The following CHD6 variants were observed in gnomAD, a reference collection of about 807,000 sequenced individuals.
CHD6 encodes the protein chromodomain helicase DNA binding protein 6.
In CHD6, 50 loss-of-function variants were observed where a neutral mutation model predicts 276.9. The ratio of observed to expected loss-of-function variants is 0.18; its 90% CI spans 0.14 to 0.23. The LOEUF (loss-of-function observed/expected upper bound fraction) is 0.23. Among genes scored for constraint, CHD6 ranks in the 10% least tolerant of loss-of-function variants. The pLI is 1.00. For missense variants in CHD6, 2,564 were observed against 3,365.8 expected (o/e 0.76, Z 5.89); for synonymous variants, 1,173 against 1,229.3 (o/e 0.95, Z 0.96).
chr20:41,485,603 G>A (rs1052794402), intron 14 of CHD6: 1 of 151,926 alleles, frequency 6.6e-6, no homozygotes, highest in African/African-American at 2.4e-5. Flanking sequence ...TTTGCAAACA[G>A]ATGCTTTCCA....
At chr20:41,448,432 G>A (rs1243322330) in intron 23 of CHD6, among the ~76,000 whole-genome samples, 2 of 152,172 alleles carry the variant, frequency 1.3e-5, no homozygotes, top group African/African-American at 4.8e-5. Flanking sequence ...TCTCTTCTGA[G>A]GTGCTCAATT....
intron 36 of CHD6, among the ~76,000 whole-genome samples, chr20:41,410,861 T>C (rs956538496): frequency 6.6e-6 from 1 of 152,024 alleles, no homozygotes; most frequent in East Asian, 1.9e-4. Flanking sequence ...GCTCAGAGAC[T>C]ACAACAAAGC....
At position 41,412,145 on chromosome 20, in the gene CHD6, C is replaced by T. The variant is rs2046859284; in HGVS notation, c.7250G>A (p.Arg2417Lys). The change falls in exon 36 of 37, where the codon AGG becomes AAG. Residue 2417 changes from arginine (R) to lysine (K), a missense_variant and splice_region_variant. Physicochemically the swap from Arg to Lys is conservative, Grantham distance 26 (BLOSUM62 2). Transcript: ENST00000373233. ...VPAIPKEPGL[R>K]GFLPENKFNH... ...CACTCACGTGGCCTTCTTCCTTACC[C>T]TCAGTCCTGGCTCCTTGGGGATGGC... 2 of 1,614,180 alleles carry T rather than the reference C, an allele frequency of 1.2e-6. No homozygotes were observed. The highest frequency in any genetic ancestry group is 4.5e-5 in the East Asian group (2 of 44,876).
chr20:41,445,078 G>A (rs1600872714), intron 25 of CHD6, among the ~76,000 whole-genome samples: 6 of 152,200 alleles, frequency 3.9e-5, no homozygotes. Flanking sequence ...TTCAAACACT[G>A]CCAGAGGTGA....
chr20:41,575,394 T>C (rs1449746599), intron 1 of CHD6, among the ~76,000 whole-genome samples: 1 of 152,226 alleles, frequency 6.6e-6, no homozygotes, highest in African/African-American at 2.4e-5. Flanking sequence ...AGTAAAAATA[T>C]ATATTTATAC....
At chr20:41,493,987 G>T in intron 8 of CHD6, 43 bp from the exon 9 acceptor site, 1 of 1,463,470 alleles carries the variant, frequency 6.8e-7, no homozygotes, top group Non-Finnish European at 9.6e-7. Flanking sequence ...ATGTCCCCTT[G>T]CCTCAAATCC....
At chr20:41,505,676 G>A (rs1050973385) in intron 5 of CHD6, among the ~76,000 whole-genome samples, 22 of 151,888 alleles carry the variant, frequency 1.4e-4, no homozygotes, top group African/African-American at 4.1e-4. Context: ...TCTTATTACC[G>A]GAGCAGTCTA....
rs765180476 is a variant in CHD6, at chr20:41,405,203, C to T, written c.7538G>A (p.Ser2513Asn). 1 of 1,614,202 alleles carries T rather than the reference C, an allele frequency of 6.2e-7. No homozygotes were observed. The highest frequency in any genetic ancestry group is 1.1e-5 in the South Asian group (1 of 91,084). The change falls in exon 37 of 37, where the codon AGT (serine) becomes AAT (asparagine). Residue 2513 changes from serine to asparagine, a missense_variant. Physicochemically the swap from Ser to Asn is conservative, Grantham distance 46. Coordinates refer to ENST00000373233, the MANE Select transcript of CHD6 (RefSeq NM_032221.5). ...ATMPTGEEVK[S>N]TLSMLPMMLP... ...CATCATGGGCAGCATGCTCAGGGTA[C>T]TTTTGACCTCTTCACCTGTTGGCAT... is the stretch of plus-strand genomic sequence containing the variant.
At chr20:41,522,226 G>C (rs182157277) in intron 3 of CHD6, among the ~76,000 whole-genome samples, 37 of 152,220 alleles carry the variant, frequency 2.4e-4, no homozygotes, top group Non-Finnish European at 4.6e-4. Context: ...CATGCCTGTA[G>C]TCCCAGGTAC....
chr20:41,410,969 G>T (rs1487295554), intron 36 of CHD6, among the ~76,000 whole-genome samples: 2 of 152,204 alleles, frequency 1.3e-5, no homozygotes, highest in African/African-American at 4.8e-5. Flanking sequence ...AGGAAAGACA[G>T]AGGGGACACA....
At chr20:41,545,174 T>G (rs2045016592) in intron 2 of CHD6, among the ~76,000 whole-genome samples, 1 of 152,158 alleles carries the variant, frequency 6.6e-6, no homozygotes. Context: ...ATAGACACAT[T>G]TAACTCTTTT....
At chr20:41,598,026 G>A (rs186433287) in intron 1 of CHD6, among the ~76,000 whole-genome samples, 5 of 152,148 alleles carry the variant, frequency 3.3e-5, no homozygotes, top group East Asian at 1.9e-4. Context: ...TATGGACTAC[G>A]AAAAATCAGG....
chr20:41,437,100 G>C, intron 27 of CHD6, 174 bp downstream of exon 27: 1 of 568,652 alleles, frequency 1.8e-6, no homozygotes, highest in South Asian at 2.5e-5. Flanking sequence ...AGTTTAATTA[G>C]AATAAAAATG....
intron 1 of CHD6, among the ~76,000 whole-genome samples, chr20:41,595,603 G>C (rs563837834): frequency 6.6e-6 from 1 of 152,162 alleles, no homozygotes; most frequent in South Asian, 2.1e-4. Flanking sequence ...AAAACTTCCA[G>C]GATGGGAAAT....
intron 25 of CHD6, 70 bp downstream of exon 25, chr20:41,445,595 T>TGGAGG: frequency 1.1e-6 from 1 of 937,572 alleles, no homozygotes; most frequent in South Asian, 1.4e-5. Flanking sequence ...CGAGCTTAGT[T>TGGAGG]GGAGGGGCTG....
intron 1 of CHD6, among the ~76,000 whole-genome samples, chr20:41,600,416 G>A (rs561830579): frequency 9.9e-5 from 15 of 152,278 alleles, no homozygotes; most frequent in East Asian, 1.9e-4. Flanking sequence ...AGAACTAAGC[G>A]GAGTAGGGTA....
chr20:41,583,120 T>C (rs1464944794), intron 1 of CHD6, among the ~76,000 whole-genome samples: 1 of 151,896 alleles, frequency 6.6e-6, no homozygotes, highest in Non-Finnish European at 1.5e-5. Context: ...AAAAATAAAG[T>C]CATCAAATCA....
intron 30 of CHD6, 66 bp from the exon 31 acceptor site, chr20:41,422,145 C>T (rs541146653): frequency 1.3e-6 from 2 of 1,499,548 alleles, no homozygotes; most frequent in Admixed American, 4.3e-5. Context: ...CCCACCTGAG[C>T]CCCTGCATCT....
At chr20:41,456,462 T>C (rs1363705217) in intron 18 of CHD6, among the ~76,000 whole-genome samples, 1 of 151,798 alleles carries the variant, frequency 6.6e-6, no homozygotes, top group East Asian at 1.9e-4. Flanking sequence ...TGTGATCTTC[T>C]CAAAAAAAAC....
Sources: gnomAD v4.1 joint callset for allele counts (sites outside exome capture counted in the v4.1 genomes callset) on GRCh38, gnomAD v4.1.1 for gene constraint, MANE v1.5 for transcripts, NCBI Gene and HGNC (gene_info 2026-07-23, HGNC 2026-07-21) for gene names.